The following FGF13 variants were observed in gnomAD, a reference collection of about 807,000 sequenced individuals.
FGF13 encodes the protein fibroblast growth factor homologous factor 2.
Under a neutral mutation model 19.5 loss-of-function variants are expected in FGF13, and 2 were observed. The observed-to-expected ratio is 0.10, with a 90% CI of 0.04 to 0.32. The LOEUF (loss-of-function observed/expected upper bound fraction) is 0.32. Ranked by LOEUF, FGF13 falls within the 10% of genes least tolerant of loss-of-function variation. The probability of loss-of-function intolerance (pLI) is 1.00; values close to 1 mark genes in which losing one functional copy is unlikely to be tolerated. For synonymous variants in FGF13, 72 were observed against 76.9 expected (o/e 0.94, Z 0.33); for missense variants, 113 against 192.7 (o/e 0.59, Z 2.45).
rs761022151 is a variant in FGF13 at position 139,065,494 on chromosome X, AAG to A, written c.-113+137920_-113+137921del. ...GCAAACGGAAAGCAAAAAAAAAAAA[AAG>A]AAAAAGAAAAAAGAAAGGGGGGTTG... On this transcript the variant is annotated intron_variant, in intron 1 of 2. Transcript: ENST00000421460. Among the ~76,000 whole-genome samples the A allele has an allele frequency of 2.6e-4, 24 of 91,196 alleles. 4 individuals are homozygous for A. Among genetic ancestry groups the A allele is most frequent in the East Asian group, 6.5e-4 (2 of 3,056 alleles). The allele number at this position is 91,196 out of a possible 115,157, so 79.2% of individuals were successfully genotyped here. A position where few individuals can be genotyped will look rare whatever the true frequency, so the allele number is the denominator to read the frequency against.
At chrX:138,645,221 C>G (rs1221932647) in intron 3 of FGF13, among the ~76,000 whole-genome samples, 1 of 112,199 alleles carries the variant, frequency 8.9e-6, no homozygotes, top group Non-Finnish European at 1.9e-5. Flanking sequence ...GAGGAGAGTT[C>G]CTCCCACCTC....
At chrX:138,982,721 G>A (rs1296666227) in intron 1 of FGF13, among the ~76,000 whole-genome samples, 2 of 111,955 alleles carry the variant, frequency 1.8e-5, no homozygotes, top group East Asian at 2.8e-4. Context: ...GGAAAAGTAC[G>A]CCCAAGGAAT....
intron 1 of FGF13, among the ~76,000 whole-genome samples, chrX:139,140,557 T>C (rs1028202454): frequency 9.0e-6 from 1 of 111,447 alleles, no homozygotes; most frequent in African/African-American, 3.3e-5. Context: ...TGTTCTGTAG[T>C]AAGTCATTCC....
chrX:138,826,023 TCA>T (rs2091032556), intron 3 of FGF13, among the ~76,000 whole-genome samples: 2 of 111,781 alleles, frequency 1.8e-5, no homozygotes, highest in South Asian at 7.6e-4. Context: ...ATTATGGGTC[TCA>T]CAATGTGGGC....
chrX:139,173,425 T>C (rs1331512663), intron 1 of FGF13, among the ~76,000 whole-genome samples: 2 of 110,427 alleles, frequency 1.8e-5, no homozygotes, highest in Non-Finnish European at 3.8e-5. Flanking sequence ...AATTATACTT[T>C]AAGTTCTGGG....
chrX:138,902,005 C>A (rs1197798962), intron 1 of FGF13, among the ~76,000 whole-genome samples: 2 of 112,112 alleles, frequency 1.8e-5, no homozygotes, highest in Non-Finnish European at 1.9e-5. Flanking sequence ...ATTGGGAGAT[C>A]AAAGTTAAAA....
chrX:138,711,468 C>A lies in FGF13; in HGVS notation c.-465G>T, dbSNP rs985973409. The A allele has an allele frequency of 4.8e-5, 35 of 729,274 alleles. No individual in the cohort carries two copies. The South Asian group carries it at 2.3e-3, about 49-fold the overall frequency. The allele number at this position is 729,274 out of a possible 1,213,427, so 60.1% of individuals were successfully genotyped here. A position where few individuals can be genotyped will look rare whatever the true frequency, so the allele number is the denominator to read the frequency against. On this transcript the variant is annotated 5_prime_UTR_variant, in exon 1 of 5. Transcript: ENST00000315930. ...GCGGGCGGGAGAGAGGCCGGGAGCT[C>A]GGGCGGCCGGACGGAGGAGGGACGA...
chrX:138,925,570 A>G (rs774870766), intron 1 of FGF13, among the ~76,000 whole-genome samples: 1 of 111,494 alleles, frequency 9.0e-6, no homozygotes, highest in South Asian at 3.8e-4. Flanking sequence ...GCAAAGTACA[A>G]ACACAAGCGT....
At position 138,624,285 on chromosome X, in the gene FGF13, A is replaced by G. The variant is rs1458978005; in HGVS notation, c.*8565T>C. 4 of 111,984 alleles carry G rather than the reference A, an allele frequency of 3.6e-5. No homozygotes were observed. Among genetic ancestry groups the G allele is most frequent in the Non-Finnish European group, 7.5e-5 (4 of 53,240 alleles). 9.2% of individuals were successfully genotyped at this position (111,984 alleles called of 1,213,427 possible). ...AAACAAATCCACACATATATGATCA[A>G]CAAATCTTCAACAAAGGCACTAAAA... On this transcript the variant is annotated 3_prime_UTR_variant, in exon 5 of 5. Coordinates refer to ENST00000315930, the MANE Select transcript of FGF13 (RefSeq NM_004114.5).
chrX:138,816,246 C>A lies in FGF13; in HGVS notation c.217+41266G>T, dbSNP rs986310571. On this transcript the variant is annotated intron_variant, in intron 3 of 6. Transcript: ENST00000436198. ...TTTTACGTTTATGAAAAAATATTCA[C>A]CCTTACTCATAAAAAAGGACATGTA... Among the ~76,000 whole-genome samples, 63 of 111,189 alleles carry A rather than the reference C, an allele frequency of 5.7e-4. 2 individuals are homozygous for A. The highest frequency in any genetic ancestry group is 5.7e-4 in the East Asian group (2 of 3,515).
chrX:138,754,129 G>T (rs1168573279), intron 3 of FGF13, among the ~76,000 whole-genome samples: 1 of 111,813 alleles, frequency 8.9e-6, no homozygotes, highest in Non-Finnish European at 1.9e-5. Context: ...TGAGTAGAAG[G>T]CATCTTCTTG....
At chrX:138,637,921 C>T (rs892438327) in intron 3 of FGF13, among the ~76,000 whole-genome samples, 9 of 111,714 alleles carry the variant, frequency 8.1e-5, no homozygotes, top group Non-Finnish European at 1.7e-4. Flanking sequence ...CACACTTCCT[C>T]TACTTTTCCT....
At chrX:138,695,822 A>G (rs1160795934) in intron 3 of FGF13, among the ~76,000 whole-genome samples, 1 of 112,363 alleles carries the variant, frequency 8.9e-6, no homozygotes, top group African/African-American at 3.2e-5. Context: ...GCATGCATTA[A>G]TCAAGGCACT....
At chrX:138,985,090 C>T (rs1254380993) in intron 1 of FGF13, 1 of 365,564 alleles carries the variant, frequency 2.7e-6, no homozygotes, top group African/African-American at 2.6e-5. Context: ...CTCATGACAC[C>T]TCTGTGAAGT....
At chrX:138,651,034 T>C (rs984409864) in intron 3 of FGF13, among the ~76,000 whole-genome samples, 4 of 111,960 alleles carry the variant, frequency 3.6e-5, no homozygotes, top group African/African-American at 6.5e-5. Context: ...GCTGGATATT[T>C]GCTGAAAACC....
chrX:139,174,768 T>C (rs2084165817), intron 1 of FGF13, among the ~76,000 whole-genome samples: 1 of 112,304 alleles, frequency 8.9e-6, no homozygotes, highest in Non-Finnish European at 1.9e-5. Context: ...TCTGTTTTGG[T>C]ACCAGCACCA....
chrX:138,942,812 G>A (rs749563107), intron 1 of FGF13, among the ~76,000 whole-genome samples: 64 of 111,303 alleles, frequency 5.8e-4, no homozygotes, highest in African/African-American at 1.8e-3. Context: ...TCATTATGCC[G>A]ACTCCTTGTA....
chrX:138,628,338 G>T lies in FGF13; in HGVS notation c.*4512C>A, dbSNP rs1212255775. 8.9e-6 allele frequency: 1 copy of T among 112,103 alleles called. No individual in the cohort carries two copies. Among genetic ancestry groups the T allele is most frequent in the Non-Finnish European group, 1.9e-5 (1 of 53,236 alleles). The allele number at this position is 112,103 out of a possible 1,213,427, so 9.2% of individuals were successfully genotyped here. ...TACTTTGCTAATTGTTTTATAATTG[G>T]AAATGGTCATCTATTATACCACTGC... is the stretch of plus-strand genomic sequence containing the variant. On this transcript the variant is annotated 3_prime_UTR_variant, in exon 5 of 5. Coordinates refer to ENST00000315930, the MANE Select transcript of FGF13 (RefSeq NM_004114.5).
At chrX:139,143,442 A>G (rs1208037011) in intron 1 of FGF13, among the ~76,000 whole-genome samples, 1 of 112,566 alleles carries the variant, frequency 8.9e-6, no homozygotes, top group Non-Finnish European at 1.9e-5. Context: ...TAACAAATAT[A>G]TAACATAATT....
Sources: allele counts gnomAD v4.1 joint callset (sites outside exome capture counted in the v4.1 genomes callset), GRCh38; gene constraint gnomAD v4.1.1; transcripts MANE v1.5; gene names NCBI Gene and HGNC (gene_info 2026-07-23, HGNC 2026-07-21).